ITGA2: variants seen among roughly 807,000 people sequenced by gnomAD.
ITGA2 encodes integrin alpha-2.
A neutral mutation model predicts 146.3 loss-of-function variants in ITGA2; 101 were observed. That is an observed-to-expected ratio of 0.69 (90% CI 0.59 to 0.81). The LOEUF (loss-of-function observed/expected upper bound fraction) is 0.81, where lower values mean the gene tolerates loss of function less well. ITGA2 is among the 40% of genes least tolerant of loss of function. The pLI is 0.00. For missense variants in ITGA2, 1,281 were observed against 1,402.7 expected, an observed-to-expected ratio of 0.91 and a Z score of 1.39; for synonymous variants, 477 against 487.1, an observed-to-expected ratio of 0.98 and a Z score of 0.27.
intron 1 of ITGA2, among the ~76,000 whole-genome samples, chr5:53,005,308 C>T (rs1315212535): frequency 7.9e-5 from 12 of 151,982 alleles, no homozygotes; most frequent in Non-Finnish European, 1.0e-4. Flanking sequence ...TATAAATTTG[C>T]TCAGGATATA....
intron 4 of ITGA2, among the ~76,000 whole-genome samples, chr5:53,048,015 A>G (rs1361426654): frequency 6.6e-6 from 1 of 152,206 alleles, no homozygotes; most frequent in Non-Finnish European, 1.5e-5. Context: ...TAAATGAGAG[A>G]CAAAAAGTGA....
chr5:53,059,374 T>C (rs1744797558), intron 10 of ITGA2, among the ~76,000 whole-genome samples: 1 of 151,926 alleles, frequency 6.6e-6, no homozygotes, highest in Non-Finnish European at 1.5e-5. Context: ...GGAAGAAAGC[T>C]GAAAGTAGAA....
At position 53,000,907 on chromosome 5, in the gene ITGA2, T is replaced by G. The variant is rs536219453; in HGVS notation, c.64+11375T>G. 2.8e-3 allele frequency among the ~76,000 whole-genome samples: 400 copies of G among 145,398 alleles called. 2 individuals carry two copies. Among genetic ancestry groups the G allele is most frequent in the Non-Finnish European group, 4.9e-3 (323 of 66,114 alleles). ...TTTCTTTTTCTTTTTGTTTTTTTTTTTTTTTTTTTTTCTTGATGAAGTCCA... is the reference window on the plus strand; with the variant it reads ...TTTCTTTTTCTTTTTGTTTTTTTTTGTTTTTTTTTTTCTTGATGAAGTCCA... On this transcript the variant is annotated intron_variant, in intron 1 of 29. Transcript: ENST00000296585.
At chr5:53,089,797 G>A (rs1314298337) in intron 28 of ITGA2, 149 bp from the exon 29 acceptor site, 1 of 691,394 alleles carries the variant, frequency 1.4e-6, no homozygotes, top group Non-Finnish European at 2.6e-6. Context: ...AAATTATTCT[G>A]ACAATGTTTG....
chr5:53,076,658 T>C (rs1745678239), intron 23 of ITGA2, among the ~76,000 whole-genome samples: 1 of 152,050 alleles, frequency 6.6e-6, no homozygotes, highest in Non-Finnish European at 1.5e-5. Flanking sequence ...AGTCTTTTTA[T>C]TATTCTACTC....
chr5:53,072,657 T>G lies in ITGA2; in HGVS notation c.2391T>G (p.Ser797=), dbSNP rs1219288400. 1 of 1,611,148 alleles carries G rather than the reference T, an allele frequency of 6.2e-7. No homozygotes were observed. The highest frequency in any genetic ancestry group is 1.7e-5 in the Admixed American group (1 of 59,670). Residue 797 remains serine (S), a synonymous_variant, in exon 19 of 30, where the codon TCT becomes TCG. Coordinates refer to ENST00000296585, the MANE Select transcript of ITGA2 (RefSeq NM_002203.4). ...KDCGEDGLCI[S]DLVLDVRQIP... is the part of the protein sequence containing the mutation. Reference sequence around the variant, plus strand: ...GTGGTGAGGACGGACTTTGCATTTCTGATCTAGTCCTAGATGTCCGACAAA... The same window carrying G: ...GTGGTGAGGACGGACTTTGCATTTCGGATCTAGTCCTAGATGTCCGACAAA...
chr5:53,090,059 GA>G lies in ITGA2; in HGVS notation c.3464del (p.Lys1155SerfsTer12). The G allele has an allele frequency of 6.4e-7, 1 of 1,574,736 alleles. No individual in the cohort carries two copies. The highest frequency in any genetic ancestry group is 8.7e-7 in the Non-Finnish European group (1 of 1,144,268). ...LLLALVAILW[K>X]LGFFKRKYEK... ...TGTTAGCTCTGGTTGCAATTTTATG[GA>G]AGGTAAGAAAAGCTTTATATTTTAA... On this transcript the variant is annotated frameshift_variant and splice_region_variant, in exon 29 of 30. Transcript: ENST00000296585. LOFTEE classifies it high-confidence loss of function.
chr5:53,058,186 A>G, intron 10 of ITGA2, 85 bp downstream of exon 10: 1 of 995,980 alleles, frequency 1.0e-6, no homozygotes, highest in Non-Finnish European at 1.6e-6. Context: ...AAATGGGAAG[A>G]CAGCCATCTA....
In ITGA2 at chr5:53,026,694, C is replaced by T. The variant is rs41436748; in HGVS notation, c.65-54C>T. 6.0e-4 allele frequency: 893 copies of T among 1,498,260 alleles called. 12 individuals are homozygous for T. The East Asian group carries it at 0.016, about 27-fold the overall frequency. The allele number at this position is 1,498,260 out of a possible 1,614,324, so 92.8% of individuals were successfully genotyped here. ...AAAATGGCCTTTGAGAATTATACGA[C>T]ACACTTATATTCATGAATTGTAAAT... On this transcript the variant is annotated intron_variant, in intron 1 of 29. Coordinates refer to ENST00000296585, the MANE Select transcript of ITGA2 (RefSeq NM_002203.4).
At chr5:53,054,379 T>A (rs1344274925) in intron 7 of ITGA2, among the ~76,000 whole-genome samples, 1 of 152,234 alleles carries the variant, frequency 6.6e-6, no homozygotes, top group Non-Finnish European at 1.5e-5. Flanking sequence ...TCTTAAAGTA[T>A]TCAAGACATA....
At chr5:53,017,785 A>C (rs759344426) in intron 1 of ITGA2, among the ~76,000 whole-genome samples, 6 of 152,144 alleles carry the variant, frequency 3.9e-5, no homozygotes, top group Non-Finnish European at 8.8e-5. Flanking sequence ...ATGAGCATGC[A>C]CTGGCAGGGG....
At chr5:53,081,978 C>G (rs1181339711) in intron 26 of ITGA2, among the ~76,000 whole-genome samples, 1 of 152,168 alleles carries the variant, frequency 6.6e-6, no homozygotes, top group Non-Finnish European at 1.5e-5. Context: ...TTTATGACAT[C>G]AGAAAAACTC....
At chr5:53,081,730 A>C in intron 26 of ITGA2, 34 bp downstream of exon 26, 3 of 1,387,520 alleles carry the variant, frequency 2.2e-6, no homozygotes, top group Non-Finnish European at 3.1e-6. Flanking sequence ...AGCTCCCCTC[A>C]TTCATTTATT....
intron 1 of ITGA2, among the ~76,000 whole-genome samples, chr5:53,025,623 T>C (rs1215893107): frequency 6.6e-6 from 1 of 152,246 alleles, no homozygotes; most frequent in Non-Finnish European, 1.5e-5. Context: ...GCAAGCCTTT[T>C]TCTTCCGGCC....
chr5:53,060,110 C>A, intron 11 of ITGA2, 98 bp downstream of exon 11: 1 of 1,231,966 alleles, frequency 8.1e-7, no homozygotes. Flanking sequence ...AATCCTTGAA[C>A]TGTCATCTAA....
Position 53,065,013 on chromosome 5 carries a change from C to T in ITGA2, c.1704C>T (p.Gly568=). ...IAALSDINMD[G]FNDVIVGSPL... ...CTCTTTCAGACATCAACATGGATGG[C>T]TTTAATGATGTGATTGTTGGTTCAC... Residue 568 remains glycine, a synonymous_variant, in exon 14 of 30, where the codon GGC becomes GGT. Transcript: ENST00000296585. The T allele has an allele frequency of 6.2e-7, 1 of 1,612,878 alleles. No individual in the cohort carries two copies. Among genetic ancestry groups the T allele is most frequent in the South Asian group, 1.1e-5 (1 of 91,072 alleles).
chr5:53,016,637 A>G (rs1040976575), intron 1 of ITGA2, among the ~76,000 whole-genome samples: 5 of 152,188 alleles, frequency 3.3e-5, no homozygotes, highest in Non-Finnish European at 7.3e-5. Context: ...GGCGTCTGCA[A>G]TGAGGTTGGG....
chr5:53,033,277 A>G (rs907621106), intron 2 of ITGA2, among the ~76,000 whole-genome samples: 1 of 152,010 alleles, frequency 6.6e-6, no homozygotes, highest in Non-Finnish European at 1.5e-5. Context: ...TCAAAAAAAA[A>G]ACTGGGTCCT....
At chr5:53,026,927 A>T in intron 2 of ITGA2, 59 bp downstream of exon 2, 2 of 1,481,996 alleles carry the variant, frequency 1.3e-6, no homozygotes, top group Non-Finnish European at 1.9e-6. Flanking sequence ...TTCATATTTG[A>T]CTTCAATTGC....
Sources: gnomAD v4.1 joint callset for allele counts (sites outside exome capture counted in the v4.1 genomes callset) on GRCh38, gnomAD v4.1.1 for gene constraint, MANE v1.5 for transcripts, NCBI Gene and HGNC (gene_info 2026-07-23, HGNC 2026-07-21) for gene names.